The following KIAA2012 variants were observed in gnomAD, a reference collection of about 807,000 sequenced individuals.
KIAA2012 encodes the protein uncharacterized protein KIAA2012.
Under a neutral mutation model 150.6 loss-of-function variants are expected in KIAA2012, and 125 were observed. The ratio of observed to expected loss-of-function variants is 0.83; its 90% CI spans 0.72 to 0.96. KIAA2012 has a LOEUF of 0.96. Among genes scored for constraint, KIAA2012 ranks in the 40% least tolerant of loss-of-function variants. The pLI is 0.00. For missense variants in KIAA2012, 1,219 were observed against 1,354.9 expected, an observed-to-expected ratio of 0.90 and a Z score of 1.57; for synonymous variants, 462 against 504.7, an observed-to-expected ratio of 0.92 and a Z score of 1.13.
intron 15 of KIAA2012, chr2:202,179,886 C>T (rs1362849225): frequency 8.4e-6 from 6 of 712,128 alleles, no homozygotes; most frequent in South Asian, 1.3e-5. Flanking sequence ...TAAAGGAAAG[C>T]TTTGAAGGCC....
chr2:202,129,793 G>T (rs1690885139), intron 12 of KIAA2012, among the ~76,000 whole-genome samples: 1 of 151,992 alleles, frequency 6.6e-6, no homozygotes, highest in Non-Finnish European at 1.5e-5. Flanking sequence ...AACATAGCAA[G>T]ACCCTGTCTC....
chr2:202,176,378 G>C (rs1691990371), intron 15 of KIAA2012, among the ~76,000 whole-genome samples: 1 of 151,950 alleles, frequency 6.6e-6, no homozygotes, highest in South Asian at 2.1e-4. Flanking sequence ...TGTATTTTTA[G>C]TAGAGACAGG....
chr2:202,162,598 T>A (rs1163523343), intron 14 of KIAA2012, among the ~76,000 whole-genome samples: 1 of 150,890 alleles, frequency 6.6e-6, no homozygotes, highest in Non-Finnish European at 1.5e-5. Context: ...TTTTTTTTTT[T>A]TTTACTTACT....
At chr2:202,131,444 G>C (rs1690926152) in intron 12 of KIAA2012, among the ~76,000 whole-genome samples, 1 of 152,162 alleles carries the variant, frequency 6.6e-6, no homozygotes, top group African/African-American at 2.4e-5. Flanking sequence ...CCCAGTCTGT[G>C]AGTATGTTTT....
chr2:202,109,586 A>G, intron 9 of KIAA2012, 27 bp from the exon 10 acceptor site: 2 of 1,494,218 alleles, frequency 1.3e-6, no homozygotes, highest in Middle Eastern at 1.8e-4. Context: ...TTTCTCACAC[A>G]GGCTTTTTCC....
chr2:202,201,600 G>A (rs1329230936), intron 22 of KIAA2012: 3 of 1,609,864 alleles, frequency 1.9e-6, no homozygotes, highest in Non-Finnish European at 2.6e-6. Flanking sequence ...TGGATAGATG[G>A]GACCAACTGG....
rs940240119 is a variant in KIAA2012, at chr2:202,073,825, G to A, written c.84+114G>A. 36 of 819,726 alleles carry A rather than the reference G, an allele frequency of 4.4e-5. No individual in the cohort carries two copies. The East Asian group carries it at 4.9e-4, about 11-fold the overall frequency. The allele number at this position is 819,726 out of a possible 1,614,324, so 50.8% of individuals were successfully genotyped here. A position where few individuals can be genotyped will look rare whatever the true frequency, so the allele number is the denominator to read the frequency against. ...TGGTTTGTGTTGTTAGTGAGGTGGCGGGGTCACTGGAAGATCTTCCTTCCT... is the reference window on the plus strand; with the variant it reads ...TGGTTTGTGTTGTTAGTGAGGTGGCAGGGTCACTGGAAGATCTTCCTTCCT... On this transcript the variant is annotated intron_variant, in intron 1 of 23. Coordinates refer to ENST00000498697, the MANE Select transcript of KIAA2012 (RefSeq NM_001277372.4).
At chr2:202,100,867 A>G (rs1404223784) in intron 7 of KIAA2012, among the ~76,000 whole-genome samples, 2 of 152,222 alleles carry the variant, frequency 1.3e-5, no homozygotes, top group Non-Finnish European at 2.9e-5. Context: ...ATCACCTTTG[A>G]AAATGCAGGG....
At chr2:202,125,706 A>G in intron 12 of KIAA2012, 1 of 360,996 alleles carries the variant, frequency 2.8e-6, no homozygotes. Context: ...TTGTATTTTC[A>G]ATGGAAGACT....
At chr2:202,183,969 G>A (rs1389093942) in intron 15 of KIAA2012, among the ~76,000 whole-genome samples, 1 of 151,894 alleles carries the variant, frequency 6.6e-6, no homozygotes, top group African/African-American at 2.4e-5. Flanking sequence ...ATTTTTACTT[G>A]TCATATCAGT....
chr2:202,198,174 C>CAAAAA (rs1009971980), intron 22 of KIAA2012, among the ~76,000 whole-genome samples: 2 of 67,108 alleles, frequency 3.0e-5, no homozygotes, highest in Admixed American at 2.1e-4. Context: ...GGCTCTTTCT[C>CAAAAA]AAAAAAAAAA....
In KIAA2012 at chr2:202,104,288, AT is replaced by A. The variant is rs1261537284; in HGVS notation, c.1324+1175del. ...AAAATTACTCAGCTCCCTAAAAAAA[AT>A]AATAATAATAAATAAAATCAACAAC... On this transcript the variant is annotated intron_variant, in intron 8 of 23. Coordinates refer to ENST00000498697, the MANE Select transcript of KIAA2012 (RefSeq NM_001277372.4). This position sits in a 1 kb window ranked among gnomAD's most constrained non-coding sequence, Gnocchi z 4.3. Among the ~76,000 whole-genome samples the A allele has an allele frequency of 2.0e-5, 3 of 152,350 alleles. No homozygotes were observed. The highest frequency in any genetic ancestry group is 1.9e-4 in the East Asian group (1 of 5,194).
intron 9 of KIAA2012, among the ~76,000 whole-genome samples, chr2:202,108,745 A>T (rs560751127): frequency 9.3e-4 from 142 of 152,352 alleles, no homozygotes; most frequent in Middle Eastern, 3.4e-3. Flanking sequence ...AAATTTTATT[A>T]TTTGGTTAAA....
chr2:202,116,165 G>T (rs985348024), intron 11 of KIAA2012: 1 of 152,182 alleles, frequency 6.6e-6, no homozygotes, highest in Non-Finnish European at 1.5e-5. Flanking sequence ...GTTTTACAAA[G>T]AAGTTCAAGG....
Position 202,075,045 on chromosome 2 carries a change from T to C in KIAA2012, c.239T>C (p.Ile80Thr). ...ATCCTGTACTCAGAAGGTTTTGCCA[T>C]TTCGGCATGGACACCCAAAGAGAGG... is the stretch of plus-strand genomic sequence containing the variant. ...ALILYSEGFAISAWTPKERRK... is the reference protein window; with the variant it reads ...ALILYSEGFATSAWTPKERRK... Residue 80 changes from isoleucine to threonine, a missense_variant, in exon 2 of 24, where the codon ATT (isoleucine) becomes ACT (threonine). By Grantham distance (89) the Ile-to-Thr change is moderately conservative. Transcript: ENST00000498697. 1 of 1,550,602 alleles carries C rather than the reference T, an allele frequency of 6.4e-7. No homozygotes were observed. Among genetic ancestry groups the C allele is most frequent in the Non-Finnish European group, 8.7e-7 (1 of 1,146,994 alleles).
chr2:202,163,112 T>TC (rs1691691544), intron 14 of KIAA2012, among the ~76,000 whole-genome samples: 1 of 149,494 alleles, frequency 6.7e-6, no homozygotes, highest in African/African-American at 2.5e-5. Flanking sequence ...TTCTTTTTTT[T>TC]TTTTTTTTCA....
intron 16 of KIAA2012, among the ~76,000 whole-genome samples, chr2:202,186,251 G>C (rs1692224061): frequency 6.6e-6 from 1 of 152,122 alleles, no homozygotes; most frequent in Admixed American, 6.5e-5. Context: ...GGTGGCTCAT[G>C]CCTGTAATCC....
chr2:202,163,913 C>A (rs780924606), intron 14 of KIAA2012, among the ~76,000 whole-genome samples: 8 of 148,466 alleles, frequency 5.4e-5, no homozygotes, highest in Non-Finnish European at 5.9e-5. Context: ...TCATCAGCTA[C>A]AAACACTAAG....
intron 11 of KIAA2012, among the ~76,000 whole-genome samples, chr2:202,120,365 G>A (rs147666524): frequency 6.1e-4 from 93 of 152,222 alleles, no homozygotes; most frequent in African/African-American, 2.0e-3. Context: ...AATAGAGTGA[G>A]ACCTTGTCTC....
Sources: gnomAD v4.1 joint callset for allele counts (sites outside exome capture counted in the v4.1 genomes callset) on GRCh38, gnomAD v4.1.1 for gene constraint, Gnocchi (gnomAD v3.1) non-coding constraint, MANE v1.5 for transcripts, NCBI Gene and HGNC (gene_info 2026-07-23, HGNC 2026-07-21) for gene names.